TLE3: variants seen among roughly 807,000 people sequenced by gnomAD.
TLE3 encodes TLE family member 3, transcriptional corepressor, also known as transducin-like enhancer protein 3.
In TLE3, 14 loss-of-function variants were observed where a neutral mutation model predicts 93.0. That is an observed-to-expected ratio of 0.15 (90% confidence interval 0.10 to 0.24). The LOEUF is 0.24. TLE3 is among the 10% of genes least tolerant of loss of function. TLE3 has a pLI of 1.00. For synonymous variants in TLE3, 451 were observed against 425.0 expected (o/e 1.06, Z -0.75); for missense variants, 693 against 1,046.6 (o/e 0.66, Z 4.66).
chr15:70,052,698 CACAG>C (rs1382603721), intron 17 of TLE3, 174 bp from the exon 18 acceptor site: 1 of 563,448 alleles, frequency 1.8e-6, no homozygotes, highest in African/African-American at 1.9e-5. Flanking sequence ...GGTGAGAAAG[CACAG>C]ACATTTTGCA....
At chr15:70,076,261 C>G in intron 4 of TLE3, 103 bp from the exon 5 acceptor site, 1 of 988,082 alleles carries the variant, frequency 1.0e-6, no homozygotes, top group Non-Finnish European at 1.6e-6. Context: ...CACAGCCCCT[C>G]TCCACGGGGC....
chr15:70,061,725 C>T (rs987090924), intron 8 of TLE3, among the ~76,000 whole-genome samples: 4 of 152,186 alleles, frequency 2.6e-5, no homozygotes, highest in African/African-American at 4.8e-5. Flanking sequence ...CACCAATTTC[C>T]GAGCAGCTGC....
rs368443635 is a variant in TLE3, at chr15:70,066,054, C to T, written c.537G>A (p.Thr179=). 1.7e-4 allele frequency: 268 copies of T among 1,609,828 alleles called. No individual in the cohort carries two copies. Among genetic ancestry groups the T allele is most frequent in the Admixed American group, 2.0e-4 (12 of 59,616 alleles). Residue 179 remains threonine (T), a synonymous_variant, in exon 7 of 20, where the codon ACG becomes ACA. Transcript: ENST00000451782. ...LGALGSQAHL[T]VKDEKNHHEL... Reference sequence around the variant, plus strand: ...CATGGTGGTTCTTCTCATCCTTCACCGTCAGATGGGCCTGGCTGCCCAGGG... The same window carrying T: ...CATGGTGGTTCTTCTCATCCTTCACTGTCAGATGGGCCTGGCTGCCCAGGG...
intron 1 of TLE3, 131 bp downstream of exon 1, chr15:70,096,644 T>G: frequency 6.5e-7 from 1 of 1,549,938 alleles, no homozygotes; most frequent in South Asian, 1.2e-5. Context: ...CGCATCCCCC[T>G]TTGTGTGAGA....
Position 70,056,370 on chromosome 15 carries a change from C to A in TLE3, c.1256G>T (p.Gly419Val), listed in dbSNP as rs760714245. 1 of 1,613,038 alleles carries A rather than the reference C, an allele frequency of 6.2e-7. No individual in the cohort carries two copies. The highest frequency in any genetic ancestry group is 8.5e-7 in the Non-Finnish European group (1 of 1,179,604). ...RSPMVSFGAV[G>V]FDPHPPMRAT... The stretch of plus-strand genomic sequence containing the variant: ...CCGCATCGGGGGGTGAGGGTCAAAA[C>A]CAACCTGTAAAGCAAGGCAAGACAG... Residue 419 changes from glycine (G) to valine (V), a missense_variant, in exon 14 of 20, where the codon GGT (glycine) becomes GTT (valine). Physicochemically the swap from Gly to Val is moderately radical, Grantham distance 109 (BLOSUM62 -3). Transcript: ENST00000451782.
At chr15:70,086,999 G>A (rs920089635) in intron 4 of TLE3, among the ~76,000 whole-genome samples, 1 of 152,134 alleles carries the variant, frequency 6.6e-6, no homozygotes, top group Non-Finnish European at 1.5e-5. Flanking sequence ...CAAACACAAC[G>A]TTTGCAGCCT....
At chr15:70,081,029 T>C (rs554916647) in intron 4 of TLE3, among the ~76,000 whole-genome samples, 1 of 152,158 alleles carries the variant, frequency 6.6e-6, no homozygotes, top group Non-Finnish European at 1.5e-5. Context: ...CCTTTTAACC[T>C]CAGCCAAATA....
intron 1 of TLE3, chr15:70,096,518 G>C (rs1286498810): frequency 1.1e-4 from 145 of 1,276,110 alleles, no homozygotes; most frequent in Non-Finnish European, 1.4e-4. Flanking sequence ...AGCCGGGTGA[G>C]TTGGGAGACT....
Position 70,086,620 on chromosome 15 carries a change from A to T in TLE3, c.234+7912T>A, listed in dbSNP as rs117999372. On this transcript the variant is annotated intron_variant, in intron 4 of 19. Coordinates refer to ENST00000451782, the MANE Select transcript of TLE3 (RefSeq NM_001105192.3). ...AGGGTCAGCCTTCCAGCGCAAACGA[A>T]AAAGAAACTTCTATCGGCCTGCGGT... Among the ~76,000 whole-genome samples, 505 of 152,344 alleles carry T rather than the reference A, an allele frequency of 3.3e-3. 1 individual carries two copies. The highest frequency in any genetic ancestry group is 0.02 in the Middle Eastern group (6 of 294).
intron 14 of TLE3, 110 bp from the exon 15 acceptor site, chr15:70,055,408 G>T: frequency 6.9e-7 from 1 of 1,457,840 alleles, no homozygotes; most frequent in Non-Finnish European, 9.1e-7. Context: ...CCTGCCTCTA[G>T]CCCCCTCTGC....
chr15:70,091,450 G>A (rs1396907639), intron 4 of TLE3, among the ~76,000 whole-genome samples: 1 of 152,238 alleles, frequency 6.6e-6, no homozygotes, highest in African/African-American at 2.4e-5. Context: ...CAAGTGATGA[G>A]CCGGTCAGTC....
intron 6 of TLE3, chr15:70,066,846 A>G: frequency 3.4e-6 from 1 of 295,054 alleles, no homozygotes; most frequent in South Asian, 2.6e-5. Flanking sequence ...CTTTGGAACT[A>G]GACAGAACAG....
chr15:70,051,132 G>C, intron 19 of TLE3: 1 of 349,986 alleles, frequency 2.9e-6, no homozygotes, highest in South Asian at 4.1e-5. Context: ...AATCCGACAA[G>C]CGCCCCGGCT....
In TLE3 at chr15:70,060,819, TC is replaced by T. The variant is rs763342765; in HGVS notation, c.595-171del. The T allele has an allele frequency of 1.2e-5, 13 of 1,126,832 alleles. No individual in the cohort carries two copies. In the Admixed American group the frequency reaches 2.0e-4, roughly 18 times the overall value. 69.8% of individuals were successfully genotyped at this position (1,126,832 alleles called of 1,614,324 possible). A position where few individuals can be genotyped will look rare whatever the true frequency, so the allele number is the denominator to read the frequency against. On this transcript the variant is annotated intron_variant, in intron 8 of 19. Coordinates refer to ENST00000451782, the MANE Select transcript of TLE3 (RefSeq NM_001105192.3). ...CATCAGAGCCTTGCCAGGGAAGCCT[TC>T]CCCACTCCCCTGAGACTGAGTCCCC...
chr15:70,097,580 C>G lies in TLE3; in HGVS notation c.-782G>C, dbSNP rs573581520. 2 of 398,814 alleles carry G rather than the reference C, an allele frequency of 5.0e-6. No homozygotes were observed. Among genetic ancestry groups the G allele is most frequent in the South Asian group, 1.2e-4 (1 of 8,074 alleles). 24.7% of individuals were successfully genotyped at this position (398,814 alleles called of 1,614,324 possible). On this transcript the variant is annotated 5_prime_UTR_variant, in exon 1 of 20. Coordinates refer to ENST00000451782, the MANE Select transcript of TLE3 (RefSeq NM_001105192.3). ...GCACGGGAAGCCTCCGCAAAGGGTT[C>G]TCGCTGCTCCCAGCTTGAGCACCGC...
intron 6 of TLE3, among the ~76,000 whole-genome samples, chr15:70,068,198 A>C (rs2056938092): frequency 1.3e-5 from 2 of 152,232 alleles, no homozygotes; most frequent in African/African-American, 4.8e-5. Flanking sequence ...ATTACCCTTC[A>C]ATCCTACCCT....
At chr15:70,062,265 C>T (rs994257162) in intron 8 of TLE3, among the ~76,000 whole-genome samples, 3 of 152,200 alleles carry the variant, frequency 2.0e-5, no homozygotes, top group Admixed American at 6.5e-5. Context: ...CTGCTGCAAT[C>T]GCCGGCAGAA....
At chr15:70,065,973 A>ACCCCAGCCCCCCCCCCC (rs1595909186) in intron 7 of TLE3, 41 bp downstream of exon 7, 160 of 806,020 alleles carry the variant, frequency 2.0e-4, no homozygotes, top group Middle Eastern at 1.1e-3. Flanking sequence ...GCCCATGCCC[A>ACCCCAGCCCCCCCCCCC]CCCCTGCCCC....
At chr15:70,088,275 A>G (rs974509113) in intron 4 of TLE3, among the ~76,000 whole-genome samples, 1 of 152,274 alleles carries the variant, frequency 6.6e-6, no homozygotes, top group Non-Finnish European at 1.5e-5. Flanking sequence ...GCTGACCCAC[A>G]GCTTGCTGCC....
Sources: allele counts gnomAD v4.1 joint callset (sites outside exome capture counted in the v4.1 genomes callset), GRCh38; gene constraint gnomAD v4.1.1; transcripts MANE v1.5; gene names NCBI Gene and HGNC (gene_info 2026-07-23, HGNC 2026-07-21).